SH3TC2: variants seen among roughly 807,000 people sequenced by gnomAD.
SH3TC2 encodes the protein SH3 domain and tetratricopeptide repeats 2.
SH3TC2 carries 87 observed loss-of-function variants against 124.5 expected under a neutral mutation model. That is an observed-to-expected ratio of 0.70 (90% CI 0.59 to 0.84). SH3TC2 has a LOEUF of 0.84. Ranked by LOEUF, SH3TC2 falls within the 40% of genes least tolerant of loss-of-function variation. SH3TC2 has a pLI of 0.00. For missense variants in SH3TC2, 1,536 were observed against 1,566.4 expected, an observed-to-expected ratio of 0.98 and a Z score of 0.33; for synonymous variants, 634 against 628.5, an observed-to-expected ratio of 1.01 and a Z score of -0.13.
chr5:149,046,856 G>GTAGC (rs1381554823), intron 3 of SH3TC2: 3 of 152,130 alleles, frequency 2.0e-5, no homozygotes. Context: ...TCAAAAAAAT[G>GTAGC]TAGCTACTGT....
At chr5:149,045,328 T>C (rs1208965630) in intron 3 of SH3TC2, 4 of 152,264 alleles carry the variant, frequency 2.6e-5, no homozygotes, top group Non-Finnish European at 4.4e-5. Flanking sequence ...CCATTCTTAA[T>C]GGTTACATGT....
At position 149,003,809 on chromosome 5, in the gene SH3TC2, C is replaced by T. The variant is rs910799027; in HGVS notation, c.*902G>A. 2 of 422,010 alleles carry T rather than the reference C, an allele frequency of 4.7e-6. No individual in the cohort carries two copies. The highest frequency in any genetic ancestry group is 9.5e-6 in the Non-Finnish European group (2 of 211,302). 26.1% of individuals were successfully genotyped at this position (422,010 alleles called of 1,614,324 possible). A position where few individuals can be genotyped will look rare whatever the true frequency, so the allele number is the denominator to read the frequency against. On this transcript the variant is annotated 3_prime_UTR_variant, in exon 17 of 17. Transcript: ENST00000515425. The stretch of plus-strand genomic sequence containing the variant: ...GAGGTCGCAGGAAGCCCTGACTGTA[C>T]CACTGAACTCCAGCCTGGGCAACAG...
At chr5:149,007,899 G>A (rs952079994) in intron 15 of SH3TC2, 1 of 152,510 alleles carries the variant, frequency 6.6e-6, no homozygotes. Context: ...TCAGCCACAG[G>A]GGAAGTACTT....
At position 149,026,591 on chromosome 5, in the gene SH3TC2, G is replaced by A. The variant is rs541197556; in HGVS notation, c.3034C>T (p.Arg1012Trp). 66 of 1,614,132 alleles carry A rather than the reference G, an allele frequency of 4.1e-5. No individual in the cohort carries two copies. The highest frequency in any genetic ancestry group is 3.7e-4 in the South Asian group (34 of 91,078). ...ACTCACCTGGCGGTATTTAGGTTCCGATAAAGCTGCCCCAGGGACTCCAGC... is the reference window on the plus strand; with the variant it reads ...ACTCACCTGGCGGTATTTAGGTTCCAATAAAGCTGCCCCAGGGACTCCAGC... ...RLLESLGQLY[R>W]NLNTARSLRR... The change falls in exon 12 of 17, where the codon CGG (arginine) becomes TGG (tryptophan). Residue 1012 changes from arginine to tryptophan, a missense_variant. By Grantham distance (101) the Arg-to-Trp change is moderately radical. Transcript: ENST00000515425.
rs2127388029 is a variant in SH3TC2 at position 148,990,498 on chromosome 5, G to A, written c.*14213C>T. On this transcript the variant is annotated 3_prime_UTR_variant, in exon 17 of 17. Transcript: ENST00000515425. ...CCAAGTCAGGAGCAAAAGGAGATCA[G>A]AGCAGCTTGGTGGCGAACAGCATGG... 6.6e-6 allele frequency among the ~76,000 whole-genome samples: 1 copy of A among 152,294 alleles called. No individual in the cohort carries two copies. The highest frequency in any genetic ancestry group is 2.1e-4 in the South Asian group (1 of 4,820).
chr5:149,052,650 T>C (rs561721225), intron 1 of SH3TC2, among the ~76,000 whole-genome samples: 18 of 152,228 alleles, frequency 1.2e-4, no homozygotes, highest in African/African-American at 3.4e-4. Flanking sequence ...AGGGAGACAA[T>C]TGGGGTGTGG....
intron 12 of SH3TC2, among the ~76,000 whole-genome samples, chr5:149,018,160 A>G (rs34112548): frequency 0.062 from 9,407 of 152,236 alleles, 427 homozygotes; most frequent in Middle Eastern, 0.11. Flanking sequence ...TTTCTACGTC[A>G]GAGGGTGGTC....
rs376258007 is a variant in SH3TC2 at position 149,030,846 on chromosome 5, C to T, written c.1135+708G>A. On this transcript the variant is annotated intron_variant, in intron 9 of 16. Coordinates refer to ENST00000515425, the MANE Select transcript of SH3TC2 (RefSeq NM_024577.4). ...GAGAAACAAAAATTCTTCCTCAAGT[C>T]ACCATCAATGAGAAAATGTACTCCC... is the stretch of plus-strand genomic sequence containing the variant. Among the ~76,000 whole-genome samples, 3 of 152,370 alleles carry T rather than the reference C, an allele frequency of 2.0e-5. No individual in the cohort carries two copies. In the South Asian group the frequency reaches 6.2e-4, roughly 32 times the overall value.
chr5:148,989,186 A>C lies in SH3TC2; in HGVS notation c.*15525T>G, dbSNP rs956012668. Among the ~76,000 whole-genome samples, 1 of 152,186 alleles carries C rather than the reference A, an allele frequency of 6.6e-6. No individual in the cohort carries two copies. The highest frequency in any genetic ancestry group is 2.4e-5 in the African/African-American group (1 of 41,446). On this transcript the variant is annotated 3_prime_UTR_variant, in exon 17 of 17. Coordinates refer to ENST00000515425, the MANE Select transcript of SH3TC2 (RefSeq NM_024577.4). ...GTCTTTTTTCCAAGATTACAGGCTC[A>C]AGTCATGGGTTTTAAAAATAGCCAT...
Position 148,990,150 on chromosome 5 carries a change from G to A in SH3TC2, c.*14561C>T, listed in dbSNP as rs557514393. Among the ~76,000 whole-genome samples the A allele has an allele frequency of 3.3e-5, 5 of 152,102 alleles. No individual in the cohort carries two copies. The highest frequency in any genetic ancestry group is 5.9e-5 in the Non-Finnish European group (4 of 67,998). On this transcript the variant is annotated 3_prime_UTR_variant, in exon 17 of 17. Transcript: ENST00000515425. ...TTTCATGATGGTATGCTCTGGGTGC[G>A]CTAGGCTACTCTGTTTTGTTCTTTC... is the stretch of plus-strand genomic sequence containing the variant.
rs1446576159 is a variant in SH3TC2 at position 148,982,901 on chromosome 5, T to C, written c.*21810A>G. Among the ~76,000 whole-genome samples, 1 of 152,246 alleles carries C rather than the reference T, an allele frequency of 6.6e-6. No homozygotes were observed. The highest frequency in any genetic ancestry group is 2.4e-5 in the African/African-American group (1 of 41,470). On this transcript the variant is annotated 3_prime_UTR_variant, in exon 17 of 17. Coordinates refer to ENST00000515425, the MANE Select transcript of SH3TC2 (RefSeq NM_024577.4). ...GCTGTTTTAACACCAGTGGACCTTG[T>C]GAAAGATAACTTTAGGAGACTGACG...
At chr5:149,023,138 C>T (rs1231691966) in intron 12 of SH3TC2, among the ~76,000 whole-genome samples, 4 of 152,176 alleles carry the variant, frequency 2.6e-5, no homozygotes, top group African/African-American at 7.2e-5. Context: ...TGTTTGAATA[C>T]TTGTAAAGGC....
intron 12 of SH3TC2, among the ~76,000 whole-genome samples, chr5:149,015,101 A>G (rs959242020): frequency 6.6e-6 from 1 of 152,218 alleles, no homozygotes; most frequent in African/African-American, 2.4e-5. Flanking sequence ...ACTGTGGAAG[A>G]GAGGAGATCT....
chr5:148,984,071 T>C lies in SH3TC2; in HGVS notation c.*20640A>G, dbSNP rs985218693. Reference sequence around the variant, plus strand: ...ACAACTTCTTGTACATGAATATTGATATCACTTCCCAGATTTGGGACGTTT... The same window carrying C: ...ACAACTTCTTGTACATGAATATTGACATCACTTCCCAGATTTGGGACGTTT... On this transcript the variant is annotated 3_prime_UTR_variant, in exon 17 of 17. Transcript: ENST00000515425. Among the ~76,000 whole-genome samples the C allele has an allele frequency of 6.6e-6, 1 of 152,228 alleles. No homozygotes were observed. The highest frequency in any genetic ancestry group is 2.4e-5 in the African/African-American group (1 of 41,474).
At chr5:149,057,224 T>C (rs1411122255) in intron 1 of SH3TC2, among the ~76,000 whole-genome samples, 1 of 152,014 alleles carries the variant, frequency 6.6e-6, no homozygotes, top group African/African-American at 2.4e-5. Flanking sequence ...AGTAATATCC[T>C]TTTTATCTTC....
intron 9 of SH3TC2, 82 bp from the exon 10 acceptor site, chr5:149,028,800 T>C: frequency 6.9e-7 from 1 of 1,450,626 alleles, no homozygotes; most frequent in South Asian, 1.1e-5. Flanking sequence ...CCCAGATCAG[T>C]GGCCTCTTAG....
intron 14 of SH3TC2, among the ~76,000 whole-genome samples, chr5:149,009,332 G>C (rs1431262922): frequency 6.6e-6 from 1 of 152,144 alleles, no homozygotes; most frequent in Non-Finnish European, 1.5e-5. Context: ...TAGCATCCAT[G>C]GTGCTATCTA....
chr5:148,999,398 C>T lies in SH3TC2; in HGVS notation c.*5313G>A, dbSNP rs562767177. Among the ~76,000 whole-genome samples the T allele has an allele frequency of 6.6e-6, 1 of 152,312 alleles. No homozygotes were observed. The highest frequency in any genetic ancestry group is 6.5e-5 in the Admixed American group (1 of 15,298). Reference sequence around the variant, plus strand: ...CAGCTAGTAAGAAACAGATTCTAACCTAAGTATGCCCAACTCCAAAACACA... The same window carrying T: ...CAGCTAGTAAGAAACAGATTCTAACTTAAGTATGCCCAACTCCAAAACACA... On this transcript the variant is annotated 3_prime_UTR_variant, in exon 17 of 17. Transcript: ENST00000515425.
chr5:149,006,441 G>T (rs183307325), intron 16 of SH3TC2, among the ~76,000 whole-genome samples: 6 of 152,286 alleles, frequency 3.9e-5, no homozygotes, highest in African/African-American at 1.4e-4. Flanking sequence ...TATAAGAAAT[G>T]AGTTGCAGTT....
Sources: allele counts gnomAD v4.1 joint callset (sites outside exome capture counted in the v4.1 genomes callset), GRCh38; gene constraint gnomAD v4.1.1; transcripts MANE v1.5; gene names NCBI Gene and HGNC (gene_info 2026-07-23, HGNC 2026-07-21).